The following KCNMB4 variants were observed in gnomAD, a reference collection of about 807,000 sequenced individuals.
The protein encoded by KCNMB4 is calcium-activated potassium channel subunit beta-4.
KCNMB4 carries 3 observed loss-of-function variants against 20.7 expected under a neutral mutation model. The observed-to-expected ratio is 0.14, with a 90% CI of 0.07 to 0.37. The LOEUF (loss-of-function observed/expected upper bound fraction) is 0.37, where lower values mean the gene tolerates loss of function less well. KCNMB4 is among the 10% of genes least tolerant of loss of function. The pLI, the probability that KCNMB4 is intolerant of heterozygous loss-of-function variation, is 1.00. For missense variants in KCNMB4, 168 were observed against 265.9 expected, an observed-to-expected ratio of 0.63 and a Z score of 2.56; for synonymous variants, 110 against 113.4, an observed-to-expected ratio of 0.97 and a Z score of 0.19.
chr12:70,384,018 G>A (rs1006388929), intron 1 of KCNMB4, among the ~76,000 whole-genome samples: 1 of 152,122 alleles, frequency 6.6e-6, no homozygotes, highest in Non-Finnish European at 1.5e-5. Flanking sequence ...GCAGTGAGCC[G>A]AGACCGTGCC....
chr12:70,373,065 T>C lies in KCNMB4; in HGVS notation c.336+5995T>C, dbSNP rs139887091. On this transcript the variant is annotated intron_variant, in intron 1 of 2. Coordinates refer to ENST00000258111, the MANE Select transcript of KCNMB4 (RefSeq NM_014505.6). Reference sequence around the variant, plus strand: ...AACACAGGGCACATAGAATGAGGTCTTGGGGGTAAGGCTGGAGAGTAAATT... The same window carrying C: ...AACACAGGGCACATAGAATGAGGTCCTGGGGGTAAGGCTGGAGAGTAAATT... 2.0e-5 allele frequency among the ~76,000 whole-genome samples: 3 copies of C among 152,210 alleles called. No individual in the cohort carries two copies. The East Asian group carries it at 5.8e-4, about 29-fold the overall frequency.
chr12:70,422,898 C>T (rs995516321), intron 2 of KCNMB4: 10 of 1,089,606 alleles, frequency 9.2e-6, no homozygotes, highest in Middle Eastern at 2.8e-4. Flanking sequence ...CACAGAGTGG[C>T]GACGGTTTCC....
At chr12:70,402,599 G>A (rs1301723036) in intron 2 of KCNMB4, among the ~76,000 whole-genome samples, 1 of 137,336 alleles carries the variant, frequency 7.3e-6, no homozygotes, top group African/African-American at 2.7e-5. Flanking sequence ...AGGCTGCAAT[G>A]AGCCATGATC....
At chr12:70,409,890 T>G (rs10784843) in intron 2 of KCNMB4, among the ~76,000 whole-genome samples, 101,913 of 152,096 alleles carry the variant, frequency 0.67, 34,225 homozygotes, top group East Asian at 0.85. Flanking sequence ...GCAAGAACTA[T>G]ACAGGGCTTA....
chr12:70,393,248 A>G (rs1433378520), intron 1 of KCNMB4, among the ~76,000 whole-genome samples: 1 of 152,080 alleles, frequency 6.6e-6, no homozygotes, highest in African/African-American at 2.4e-5. Context: ...TGTCGCCCAG[A>G]CTGGAGTGCA....
At chr12:70,407,702 C>T (rs892356088) in intron 2 of KCNMB4, among the ~76,000 whole-genome samples, 3 of 151,760 alleles carry the variant, frequency 2.0e-5, no homozygotes, top group East Asian at 2.0e-4. Flanking sequence ...CTCCTGACCT[C>T]GTGATCCGCC....
chr12:70,382,578 GA>G (rs2136120343), intron 1 of KCNMB4, among the ~76,000 whole-genome samples: 1 of 151,896 alleles, frequency 6.6e-6, no homozygotes, highest in African/African-American at 2.4e-5. Context: ...AGCAAGGACA[GA>G]AATCATAAAG....
intron 1 of KCNMB4, among the ~76,000 whole-genome samples, chr12:70,390,863 C>A (rs1020612930): frequency 6.6e-6 from 1 of 152,190 alleles, no homozygotes; most frequent in Non-Finnish European, 1.5e-5. Context: ...TCATTCTAAG[C>A]ACAGGTGTAC....
chr12:70,413,460 G>A (rs1868836272), intron 2 of KCNMB4, among the ~76,000 whole-genome samples: 1 of 152,030 alleles, frequency 6.6e-6, no homozygotes, highest in African/African-American at 2.4e-5. Flanking sequence ...ATGCAGGGCA[G>A]GGCTGTGCGT....
chr12:70,385,565 T>TA (rs1868250570), intron 1 of KCNMB4, among the ~76,000 whole-genome samples: 2 of 152,332 alleles, frequency 1.3e-5, no homozygotes, highest in Non-Finnish European at 2.9e-5. Context: ...CCATTGAAGA[T>TA]ATGCTGAGCA....
chr12:70,395,504 C>T (rs1236861061), intron 1 of KCNMB4, among the ~76,000 whole-genome samples: 1 of 152,048 alleles, frequency 6.6e-6, no homozygotes, highest in African/African-American at 2.4e-5. Flanking sequence ...ATATAAATCC[C>T]ATTGTGGTTG....
At chr12:70,409,893 A>G (rs1868721983) in intron 2 of KCNMB4, among the ~76,000 whole-genome samples, 1 of 152,218 alleles carries the variant, frequency 6.6e-6, no homozygotes. Context: ...AGAACTATAC[A>G]GGGCTTAGAT....
chr12:70,398,024 A>G (rs1868371243), intron 1 of KCNMB4, among the ~76,000 whole-genome samples: 1 of 152,228 alleles, frequency 6.6e-6, no homozygotes, highest in Non-Finnish European at 1.5e-5. Flanking sequence ...AGAAGGAAAC[A>G]AAATATCCAA....
chr12:70,388,515 C>T (rs745699106), intron 1 of KCNMB4, among the ~76,000 whole-genome samples: 18 of 151,754 alleles, frequency 1.2e-4, no homozygotes, highest in African/African-American at 4.1e-4. Flanking sequence ...TACATCCTTG[C>T]CAGCATTTGT....
At chr12:70,410,172 A>G (rs1868733378) in intron 2 of KCNMB4, among the ~76,000 whole-genome samples, 4 of 152,224 alleles carry the variant, frequency 2.6e-5, no homozygotes, top group Admixed American at 2.6e-4. Flanking sequence ...TAGATATGTT[A>G]CTTAAATCTA....
intron 1 of KCNMB4, among the ~76,000 whole-genome samples, chr12:70,375,015 G>A (rs1883660931): frequency 1.3e-5 from 2 of 152,126 alleles, no homozygotes; most frequent in African/African-American, 4.8e-5. Context: ...ATACTCTATA[G>A]TGAGTGCTAA....
rs1333366027 is a variant in KCNMB4 at position 70,366,440 on chromosome 12, T to A, written c.-295T>A. ...GAGGCTGGCAGGGGGCGCTGGAAGCTGGAGCGGTCCGTGCGCTCCCCGCGC... is the reference window on the plus strand; with the variant it reads ...GAGGCTGGCAGGGGGCGCTGGAAGCAGGAGCGGTCCGTGCGCTCCCCGCGC... On this transcript the variant is annotated 5_prime_UTR_variant, in exon 1 of 3. Coordinates refer to ENST00000258111, the MANE Select transcript of KCNMB4 (RefSeq NM_014505.6). 6.7e-6 allele frequency: 1 copy of A among 148,412 alleles called. No homozygotes were observed. The highest frequency in any genetic ancestry group is 2.5e-5 in the African/African-American group (1 of 40,416). The allele number at this position is 148,412 out of a possible 1,614,324, so 9.2% of individuals were successfully genotyped here. A position where few individuals can be genotyped will look rare whatever the true frequency, so the allele number is the denominator to read the frequency against.
intron 1 of KCNMB4, among the ~76,000 whole-genome samples, chr12:70,392,940 C>T (rs1868313252): frequency 6.6e-6 from 1 of 151,988 alleles, no homozygotes; most frequent in Non-Finnish European, 1.5e-5. Flanking sequence ...ATGTAACAAA[C>T]CTGCATGTTC....
intron 2 of KCNMB4, among the ~76,000 whole-genome samples, chr12:70,410,506 C>T (rs994544471): frequency 6.6e-6 from 1 of 152,226 alleles, no homozygotes; most frequent in African/African-American, 2.4e-5. Context: ...CATTTCTCCT[C>T]TATCACTGAT....
Sources: allele counts gnomAD v4.1 joint callset (sites outside exome capture counted in the v4.1 genomes callset), GRCh38; gene constraint gnomAD v4.1.1; transcripts MANE v1.5; gene names NCBI Gene and HGNC (gene_info 2026-07-23, HGNC 2026-07-21).